Variants in KCNIP4 observed in about 807,000 individuals in gnomAD.
KCNIP4 encodes potassium voltage-gated channel interacting protein 4.
KCNIP4 carries 12 observed loss-of-function variants against 34.0 expected under a neutral mutation model. The ratio of observed to expected loss-of-function variants is 0.35; its 90% CI spans 0.23 to 0.57. The LOEUF (loss-of-function observed/expected upper bound fraction) is 0.57, where lower values mean the gene tolerates loss of function less well. KCNIP4 is among the 20% of genes least tolerant of loss of function. The pLI is 0.83. For synonymous variants in KCNIP4, 124 were observed against 102.2 expected (o/e 1.21, Z -1.29); for missense variants, 238 against 311.7 (o/e 0.76, Z 1.78).
At chr4:21,660,807 T>C (rs1748390029) in intron 1 of KCNIP4, among the ~76,000 whole-genome samples, 3 of 152,174 alleles carry the variant, frequency 2.0e-5, no homozygotes, top group Non-Finnish European at 4.4e-5. Context: ...ACTTGTTATT[T>C]TCATTTATGT....
intron 1 of KCNIP4, among the ~76,000 whole-genome samples, chr4:21,553,141 A>AG (rs201438436): frequency 2.2e-3 from 232 of 105,550 alleles, no homozygotes; most frequent in Non-Finnish European, 3.3e-3. Context: ...GAAAGCTTAA[A>AG]GGGGGGGGTC....
At chr4:21,392,621 T>C (rs2109520498) in intron 1 of KCNIP4, among the ~76,000 whole-genome samples, 1 of 152,326 alleles carries the variant, frequency 6.6e-6, no homozygotes, top group East Asian at 1.9e-4. Flanking sequence ...CTTAAGAATG[T>C]TTGATAACTG....
chr4:21,365,287 C>G (rs1578132677), intron 1 of KCNIP4, among the ~76,000 whole-genome samples: 1 of 151,890 alleles, frequency 6.6e-6, no homozygotes, highest in African/African-American at 2.4e-5. Flanking sequence ...GAGTTCAAGA[C>G]CAGCCTGGTC....
intron 1 of KCNIP4, among the ~76,000 whole-genome samples, chr4:21,088,770 A>C (rs920927514): frequency 7.2e-5 from 11 of 152,126 alleles, no homozygotes; most frequent in Non-Finnish European, 2.9e-5. Flanking sequence ...ACAAGATCAG[A>C]CACATCTTTT....
At chr4:21,570,079 C>G (rs1442040977) in intron 1 of KCNIP4, among the ~76,000 whole-genome samples, 1 of 152,132 alleles carries the variant, frequency 6.6e-6, no homozygotes, top group Non-Finnish European at 1.5e-5. Flanking sequence ...GAGACCCAAC[C>G]TGGAAGTCAG....
chr4:21,355,009 CAACTACATGGAAACTG>C (rs1454705991), intron 1 of KCNIP4, among the ~76,000 whole-genome samples: 1 of 152,106 alleles, frequency 6.6e-6, no homozygotes, highest in African/African-American at 2.4e-5. Flanking sequence ...CAAAATCACT[CAACTACATGGAAACTG>C]AACAACCTGC....
chr4:21,149,362 T>C (rs16870457), intron 1 of KCNIP4, among the ~76,000 whole-genome samples: 3,840 of 152,252 alleles, frequency 0.025, 182 homozygotes, highest in African/African-American at 0.086. Flanking sequence ...ACTGGAGCTT[T>C]AGGACCCATC....
chr4:20,897,818 G>C (rs73802393), intron 1 of KCNIP4, among the ~76,000 whole-genome samples: 3,676 of 152,280 alleles, frequency 0.024, 131 homozygotes, highest in African/African-American at 0.076. Flanking sequence ...CTCCAGAACT[G>C]TGAGGCCAGT....
At chr4:21,532,594 CT>C (rs1577543714) in intron 1 of KCNIP4, among the ~76,000 whole-genome samples, 1 of 152,160 alleles carries the variant, frequency 6.6e-6, no homozygotes, top group African/African-American at 2.4e-5. Context: ...TCAGTAGATA[CT>C]TTCCCCACTA....
In KCNIP4 at chr4:21,122,646, C is replaced by T. The variant is rs74475567; in HGVS notation, c.62-239937G>A. On this transcript the variant is annotated intron_variant, in intron 1 of 8. Transcript: ENST00000382152. ...TCATTGTTTCCAGGTCCTACCCCTG[C>T]ATCCAACAATAAACCTGGTATTCAA... is the stretch of plus-strand genomic sequence containing the variant. 2.0e-3 allele frequency among the ~76,000 whole-genome samples: 306 copies of T among 152,232 alleles called. 1 individual carries two copies. Among genetic ancestry groups the T allele is most frequent in the African/African-American group, 7.0e-3 (292 of 41,542 alleles).
At chr4:21,446,638 G>T (rs200400024) in intron 1 of KCNIP4, among the ~76,000 whole-genome samples, 1 of 113,012 alleles carries the variant, frequency 8.8e-6, no homozygotes, top group African/African-American at 3.4e-5. Context: ...GGTGGGGGGA[G>T]GGGGGAGGGA....
intron 1 of KCNIP4, among the ~76,000 whole-genome samples, chr4:21,638,952 T>C (rs112522234): frequency 0.012 from 1,894 of 152,308 alleles, 46 homozygotes; most frequent in African/African-American, 0.043. Flanking sequence ...ATTCATTATA[T>C]GTACTGGTTA....
At chr4:21,740,974 C>G (rs1560679277) in intron 1 of KCNIP4, among the ~76,000 whole-genome samples, 2 of 151,584 alleles carry the variant, frequency 1.3e-5, no homozygotes, top group African/African-American at 4.9e-5. Flanking sequence ...GTTGGTGTTA[C>G]CAAAAAGAGG....
intron 1 of KCNIP4, among the ~76,000 whole-genome samples, chr4:21,873,516 C>A (rs939882329): frequency 2.0e-5 from 3 of 152,136 alleles, no homozygotes; most frequent in African/African-American, 7.2e-5. Context: ...TACACACATA[C>A]CACAGTGCCT....
intron 1 of KCNIP4, among the ~76,000 whole-genome samples, chr4:21,498,472 A>T (rs540017417): frequency 2.6e-4 from 39 of 152,312 alleles, no homozygotes; most frequent in Non-Finnish European, 4.7e-4. Flanking sequence ...TAATATTTTT[A>T]TTGAGCCAGA....
intron 1 of KCNIP4, among the ~76,000 whole-genome samples, chr4:21,534,363 T>C (rs1736979502): frequency 6.6e-6 from 1 of 152,190 alleles, no homozygotes. Context: ...ATGGTATTTA[T>C]CCTGAACAGG....
chr4:21,832,750 C>A (rs11725579), intron 1 of KCNIP4, among the ~76,000 whole-genome samples: 10,396 of 116,696 alleles, frequency 0.089, 616 homozygotes, highest in Middle Eastern at 0.14. Flanking sequence ...CTCCCCCCAC[C>A]CCACAACAGT....
At chr4:21,641,318 T>G (rs1310361292) in intron 1 of KCNIP4, among the ~76,000 whole-genome samples, 5 of 152,220 alleles carry the variant, frequency 3.3e-5, no homozygotes, top group African/African-American at 1.2e-4. Flanking sequence ...TACAGATGGT[T>G]GTGCATAATA....
At chr4:21,016,222 A>C (rs954406726) in intron 1 of KCNIP4, among the ~76,000 whole-genome samples, 9 of 151,102 alleles carry the variant, frequency 6.0e-5, no homozygotes, top group Admixed American at 2.0e-4. Context: ...GTCGCTGACA[A>C]TATTCCAAAT....
Sources: gnomAD v4.1 joint callset for allele counts (sites outside exome capture counted in the v4.1 genomes callset) on GRCh38, gnomAD v4.1.1 for gene constraint, MANE v1.5 for transcripts, NCBI Gene and HGNC (gene_info 2026-07-23, HGNC 2026-07-21) for gene names.